The following ERGIC1 variants were observed in gnomAD, a reference collection of about 807,000 sequenced individuals.
ERGIC1 encodes endoplasmic reticulum-Golgi intermediate compartment protein 1.
Under a neutral mutation model 38.3 loss-of-function variants are expected in ERGIC1, and 19 were observed. The ratio of observed to expected loss-of-function variants is 0.50; its 90% CI spans 0.35 to 0.73. The LOEUF (loss-of-function observed/expected upper bound fraction) is 0.73, where lower values mean the gene tolerates loss of function less well. Among genes scored for constraint, ERGIC1 ranks in the 30% least tolerant of loss-of-function variants. The pLI is 0.01. For missense variants in ERGIC1, 294 were observed against 389.2 expected, an observed-to-expected ratio of 0.76 and a Z score of 2.06; for synonymous variants, 124 against 157.6, an observed-to-expected ratio of 0.79 and a Z score of 1.60.
intron 5 of ERGIC1, chr5:172,915,825 T>G (rs2113414339): frequency 2.8e-6 from 1 of 358,894 alleles, no homozygotes; most frequent in Non-Finnish European, 5.8e-6. Context: ...TTGTCCCTCC[T>G]GCAGCCTCTG....
chr5:172,904,823 G>A lies in ERGIC1; in HGVS notation c.156-4844G>A, dbSNP rs551527535. ...TTTATTGACCTCATCAGGCAGCCCA[G>A]GTGATTGAATTGTGTTTATCTCACA... On this transcript the variant is annotated intron_variant, in intron 3 of 9. Transcript: ENST00000393784. Among the ~76,000 whole-genome samples, 332 of 152,320 alleles carry A rather than the reference G, an allele frequency of 2.2e-3. 1 individual carries two copies. Among genetic ancestry groups the A allele is most frequent in the Non-Finnish European group, 3.6e-3 (246 of 68,026 alleles).
At chr5:172,836,961 T>A (rs1384911399) in intron 1 of ERGIC1, among the ~76,000 whole-genome samples, 1 of 152,106 alleles carries the variant, frequency 6.6e-6, no homozygotes, top group Non-Finnish European at 1.5e-5. Context: ...GGATCTGGGA[T>A]TTGAACTTGG....
chr5:172,949,332 C>T lies in ERGIC1; in HGVS notation c.766-1377C>T, dbSNP rs534496945. On this transcript the variant is annotated intron_variant, in intron 9 of 9. Coordinates refer to ENST00000393784, the MANE Select transcript of ERGIC1 (RefSeq NM_001031711.3). ...TTCAGCCACTTGCTGTGGCATTGGACGAGGGATTCAGGGTCTCTGTGCCTC... is the reference window on the plus strand; with the variant it reads ...TTCAGCCACTTGCTGTGGCATTGGATGAGGGATTCAGGGTCTCTGTGCCTC... Among the ~76,000 whole-genome samples, 7 of 152,236 alleles carry T rather than the reference C, an allele frequency of 4.6e-5. No homozygotes were observed. The South Asian group carries it at 8.3e-4, about 18-fold the overall frequency.
At chr5:172,918,685 A>G (rs921578470) in intron 5 of ERGIC1, among the ~76,000 whole-genome samples, 3 of 152,236 alleles carry the variant, frequency 2.0e-5, no homozygotes, top group Non-Finnish European at 2.9e-5. Flanking sequence ...GGGCCGCTGC[A>G]GGAGCCACGT....
At chr5:172,949,930 A>G (rs980630274) in intron 9 of ERGIC1, among the ~76,000 whole-genome samples, 2 of 152,160 alleles carry the variant, frequency 1.3e-5, no homozygotes, top group Non-Finnish European at 2.9e-5. Flanking sequence ...AAAATTAGCC[A>G]GGCGCGGTGG....
chr5:172,865,349 C>T (rs930551215), intron 1 of ERGIC1, among the ~76,000 whole-genome samples: 4 of 152,188 alleles, frequency 2.6e-5, no homozygotes, highest in African/African-American at 7.2e-5. Flanking sequence ...AGCCACCGCA[C>T]CTGGCCTATA....
Position 172,854,288 on chromosome 5 carries a change from G to A in ERGIC1, c.20+19855G>A, listed in dbSNP as rs145767534. Among the ~76,000 whole-genome samples, 212 of 152,212 alleles carry A rather than the reference G, an allele frequency of 1.4e-3. 2 individuals are homozygous for A. Among genetic ancestry groups the A allele is most frequent in the African/African-American group, 4.5e-3 (185 of 41,526 alleles). On this transcript the variant is annotated intron_variant, in intron 1 of 9. Transcript: ENST00000393784. ...TCTCAGCTACTCAGGAGGCTGAGGC[G>A]GGAGGATCACTTGAGCCCGGGAGGT...
chr5:172,939,913 G>C (rs964011774), intron 9 of ERGIC1, among the ~76,000 whole-genome samples: 2 of 152,250 alleles, frequency 1.3e-5, no homozygotes, highest in Admixed American at 6.5e-5. Context: ...TCGGAGGGCG[G>C]GGTGGGGCCA....
intron 7 of ERGIC1, among the ~76,000 whole-genome samples, chr5:172,927,599 A>G (rs518971): frequency 0.43 from 55,405 of 128,098 alleles, 10,986 homozygotes; most frequent in African/African-American, 0.52. Context: ...TTTTTTTTTG[A>G]GACGGAGTCT....
intron 4 of ERGIC1, among the ~76,000 whole-genome samples, chr5:172,912,139 A>G (rs1428779818): frequency 1.3e-5 from 2 of 151,782 alleles, no homozygotes; most frequent in African/African-American, 4.8e-5. Flanking sequence ...AATATGAGTA[A>G]AATAATAACA....
At chr5:172,854,456 T>C (rs1436546793) in intron 1 of ERGIC1, among the ~76,000 whole-genome samples, 1 of 152,266 alleles carries the variant, frequency 6.6e-6, no homozygotes, top group Non-Finnish European at 1.5e-5. Flanking sequence ...AAAAAAAGTA[T>C]TTCCTGGCTG....
intron 1 of ERGIC1, among the ~76,000 whole-genome samples, chr5:172,855,001 G>A (rs1370222430): frequency 6.6e-6 from 1 of 152,162 alleles, no homozygotes; most frequent in Admixed American, 6.5e-5. Context: ...GTACTGAGGG[G>A]CCACCTGGGA....
intron 3 of ERGIC1, among the ~76,000 whole-genome samples, chr5:172,902,625 G>A (rs905459883): frequency 5.3e-5 from 8 of 152,160 alleles, no homozygotes; most frequent in Non-Finnish European, 8.8e-5. Flanking sequence ...GGCAGAACCC[G>A]GTGACTGGCT....
rs1307992071 is a variant in ERGIC1 at position 172,932,535 on chromosome 5, A to G, written c.641A>G (p.Lys214Arg). ...RYSYQYTVAN[K>R]EYVAYSHTGR... ...TCCTACCAGTACACGGTGGCCAACA[A>G]GGTGCGCGGGCGGTGGCTGGGCCGA... The change falls in exon 8 of 10, where the codon AAG becomes AGG. Residue 214 changes from lysine (K) to arginine (R), a missense_variant and splice_region_variant. This residue lies in a region of ERGIC1 where 109 missense variants were observed against 112.7 expected (regional missense o/e 0.97). Coordinates refer to ENST00000393784, the MANE Select transcript of ERGIC1 (RefSeq NM_001031711.3). 1.2e-6 allele frequency: 2 copies of G among 1,613,914 alleles called. No homozygotes were observed. The highest frequency in any genetic ancestry group is 3.3e-5 in the Admixed American group (2 of 60,006).
At chr5:172,935,447 C>A in intron 9 of ERGIC1, 137 bp downstream of exon 9, 1 of 1,168,640 alleles carries the variant, frequency 8.6e-7, no homozygotes, top group Non-Finnish European at 1.2e-6. Flanking sequence ...TGGCTGGGCA[C>A]AGGAGGCTTC....
chr5:172,870,585 A>G (rs754089287), intron 1 of ERGIC1, among the ~76,000 whole-genome samples: 2 of 152,230 alleles, frequency 1.3e-5, no homozygotes, highest in Non-Finnish European at 2.9e-5. Context: ...TCTATGAATC[A>G]TAACTGCCTG....
intron 1 of ERGIC1, among the ~76,000 whole-genome samples, chr5:172,835,082 ACAATG>A (rs1761002148): frequency 6.6e-6 from 1 of 152,186 alleles, no homozygotes; most frequent in Non-Finnish European, 1.5e-5. Context: ...TGCAGTCACC[ACAATG>A]GGTCCTTTGT....
intron 1 of ERGIC1, among the ~76,000 whole-genome samples, chr5:172,848,161 C>G (rs1415520152): frequency 6.6e-6 from 1 of 152,136 alleles, no homozygotes; most frequent in Non-Finnish European, 1.5e-5. Flanking sequence ...CATTTAACCA[C>G]CAGGGAAGTA....
intron 1 of ERGIC1, among the ~76,000 whole-genome samples, chr5:172,864,785 A>C (rs1761810888): frequency 6.6e-6 from 1 of 151,714 alleles, no homozygotes; most frequent in South Asian, 2.1e-4. Flanking sequence ...TGCTGGGCAC[A>C]GTGCTGAACA....
Sources: allele counts gnomAD v4.1 joint callset (sites outside exome capture counted in the v4.1 genomes callset), GRCh38; gene constraint gnomAD v4.1.1; regional missense constraint gnomAD v4.1.1; transcripts MANE v1.5; gene names NCBI Gene and HGNC (gene_info 2026-07-23, HGNC 2026-07-21).